The following ARHGEF28 variants were observed in gnomAD, a reference collection of about 807,000 sequenced individuals.
ARHGEF28 encodes the protein 190 kDa guanine nucleotide exchange factor.
In ARHGEF28, 152 loss-of-function variants were observed where a neutral mutation model predicts 206.6. The observed-to-expected ratio is 0.74, with a 90% CI of 0.64 to 0.84. The LOEUF is 0.84. ARHGEF28 is among the 40% of genes least tolerant of loss of function. The pLI is 0.00. For synonymous variants in ARHGEF28, 763 were observed against 776.4 expected, an observed-to-expected ratio of 0.98 and a Z score of 0.29; for missense variants, 2,028 against 2,073.2, an observed-to-expected ratio of 0.98 and a Z score of 0.42.
rs192551324 is a variant in ARHGEF28, at chr5:73,784,199, T to C, written c.910+3454T>C. ...CTATTAGAAGATTCTTAGTAGATTA[T>C]GCTTTTCTGTCCCCTCTGGGACAAT... On this transcript the variant is annotated intron_variant, in intron 7 of 35. Coordinates refer to ENST00000513042, the MANE Select transcript of ARHGEF28 (RefSeq NM_001177693.2). 4.4e-4 allele frequency among the ~76,000 whole-genome samples: 67 copies of C among 152,140 alleles called. No homozygotes were observed. The Middle Eastern group carries it at 0.01, about 23-fold the overall frequency.
At chr5:73,913,442 C>A (rs1056505997) in intron 35 of ARHGEF28, among the ~76,000 whole-genome samples, 3 of 152,228 alleles carry the variant, frequency 2.0e-5, no homozygotes, top group Non-Finnish European at 2.9e-5. Flanking sequence ...GATATATACA[C>A]TTAAAAGAGT....
intron 26 of ARHGEF28, among the ~76,000 whole-genome samples, chr5:73,888,732 G>A (rs1214605860): frequency 6.6e-6 from 1 of 152,106 alleles, no homozygotes; most frequent in Admixed American, 6.5e-5. Context: ...GCTCAACTTA[G>A]AGCGCGCCTG....
chr5:73,749,570 A>G (rs1344014306), intron 2 of ARHGEF28, among the ~76,000 whole-genome samples: 2 of 152,260 alleles, frequency 1.3e-5, no homozygotes, highest in East Asian at 3.8e-4. Context: ...TTTTAAAGAA[A>G]GAAAAAATTC....
intron 9 of ARHGEF28, among the ~76,000 whole-genome samples, chr5:73,815,519 G>A (rs1435692354): frequency 1.3e-5 from 2 of 152,156 alleles, no homozygotes; most frequent in African/African-American, 2.4e-5. Flanking sequence ...GATAGGTACC[G>A]TTCTGTAGAG....
chr5:73,641,796 AG>A (rs1744125157), intron 1 of ARHGEF28, among the ~76,000 whole-genome samples: 1 of 152,190 alleles, frequency 6.6e-6, no homozygotes, highest in African/African-American at 2.4e-5. Context: ...CATTTTCATC[AG>A]GTATGGAAAG....
chr5:73,791,446 C>T (rs1246701461), intron 7 of ARHGEF28, among the ~76,000 whole-genome samples: 1 of 152,160 alleles, frequency 6.6e-6, no homozygotes, highest in African/African-American at 2.4e-5. Flanking sequence ...TAGATGTAAG[C>T]CAGTGGTGGA....
intron 1 of ARHGEF28, among the ~76,000 whole-genome samples, chr5:73,630,380 T>G (rs1478365703): frequency 6.6e-6 from 1 of 152,136 alleles, no homozygotes; most frequent in Non-Finnish European, 1.5e-5. Flanking sequence ...TTGCCCTGGC[T>G]ATGTGACCTC....
At chr5:73,655,195 A>G (rs1338879477) in intron 1 of ARHGEF28, among the ~76,000 whole-genome samples, 1 of 152,244 alleles carries the variant, frequency 6.6e-6, no homozygotes, top group East Asian at 1.9e-4. Flanking sequence ...CTTGAACAAA[A>G]GTCCATATTT....
chr5:73,918,394 T>G (rs75230128), intron 35 of ARHGEF28, among the ~76,000 whole-genome samples: 5,813 of 149,534 alleles, frequency 0.039, 153 homozygotes, highest in Non-Finnish European at 0.061. Context: ...TTCCTCCACT[T>G]AAGTGAGGAG....
intron 2 of ARHGEF28, among the ~76,000 whole-genome samples, chr5:73,739,857 A>G (rs1751261361): frequency 1.4e-5 from 2 of 147,842 alleles, no homozygotes; most frequent in Admixed American, 6.8e-5. Context: ...ATAAATAAAT[A>G]AATAAATAAA....
At position 73,904,406 on chromosome 5, in the gene ARHGEF28, G is replaced by T. The variant is rs770530191; in HGVS notation, c.4161+1G>T. On this transcript the variant is annotated splice_donor_variant, in intron 33 of 35. Coordinates refer to ENST00000513042, the MANE Select transcript of ARHGEF28 (RefSeq NM_001177693.2). LOFTEE classifies it high-confidence loss of function. The stretch of plus-strand genomic sequence containing the variant: ...AACCCGTCTCTTATACAGCCTTCAG[G>T]TAACTATCCTCCTCTAATCTTTGAC... 1 of 1,608,908 alleles carries T rather than the reference G, an allele frequency of 6.2e-7. No homozygotes were observed. Among genetic ancestry groups the T allele is most frequent in the East Asian group, 2.2e-5 (1 of 44,848 alleles).
intron 35 of ARHGEF28, among the ~76,000 whole-genome samples, chr5:73,919,194 G>A (rs1336789946): frequency 6.6e-6 from 1 of 152,106 alleles, no homozygotes; most frequent in Non-Finnish European, 1.5e-5. Flanking sequence ...TGTGATTCAG[G>A]GGTCGCCTGC....
At chr5:73,937,883 G>A (rs191500286) in intron 35 of ARHGEF28, among the ~76,000 whole-genome samples, 1 of 152,216 alleles carries the variant, frequency 6.6e-6, no homozygotes, top group African/African-American at 2.4e-5. Flanking sequence ...GAGTTGAAAT[G>A]GAGTAACAAA....
chr5:73,815,186 G>C (rs1756113546), intron 9 of ARHGEF28, among the ~76,000 whole-genome samples: 2 of 111,598 alleles, frequency 1.8e-5, no homozygotes, highest in Non-Finnish European at 3.9e-5. Context: ...AAATGATTCA[G>C]GGGGTATATA....
At chr5:73,821,267 G>A (rs183417993) in intron 9 of ARHGEF28, among the ~76,000 whole-genome samples, 7 of 152,076 alleles carry the variant, frequency 4.6e-5, no homozygotes, top group East Asian at 1.9e-4. Context: ...CCATTCTTCC[G>A]TTTATTCATT....
intron 35 of ARHGEF28, among the ~76,000 whole-genome samples, chr5:73,916,492 C>T (rs533757736): frequency 6.6e-5 from 10 of 152,118 alleles, no homozygotes; most frequent in East Asian, 3.9e-4. Flanking sequence ...TGGTTTCTTC[C>T]GAGGCCTCTC....
intron 26 of ARHGEF28, among the ~76,000 whole-genome samples, chr5:73,890,575 C>T (rs994374231): frequency 2.0e-5 from 3 of 152,146 alleles, no homozygotes; most frequent in Admixed American, 1.3e-4. Flanking sequence ...GGTCTTGTCC[C>T]ATTATATTTT....
chr5:73,663,393 C>T (rs1341019287), intron 1 of ARHGEF28, among the ~76,000 whole-genome samples: 1 of 152,222 alleles, frequency 6.6e-6, no homozygotes, highest in Non-Finnish European at 1.5e-5. Flanking sequence ...GGTGTGCCCT[C>T]GTTTCTTTCC....
intron 2 of ARHGEF28, among the ~76,000 whole-genome samples, chr5:73,717,987 T>A (rs1749694266): frequency 6.6e-6 from 1 of 152,180 alleles, no homozygotes; most frequent in Non-Finnish European, 1.5e-5. Context: ...CAAGTGATTC[T>A]CCTGCCTCAG....
Sources: gnomAD v4.1 joint callset for allele counts (sites outside exome capture counted in the v4.1 genomes callset) on GRCh38, gnomAD v4.1.1 for gene constraint, MANE v1.5 for transcripts, NCBI Gene and HGNC (gene_info 2026-07-23, HGNC 2026-07-21) for gene names.